ERG: variants seen among roughly 807,000 people sequenced by gnomAD.
ERG encodes the protein transcriptional regulator ERG.
Under a neutral mutation model 55.3 loss-of-function variants are expected in ERG, and 9 were observed. The ratio of observed to expected loss-of-function variants is 0.16; its 90% confidence interval spans 0.10 to 0.28. The LOEUF is 0.28. ERG is among the 10% of genes least tolerant of loss of function. The pLI, the probability that ERG is intolerant of heterozygous loss-of-function variation, is 1.00. For synonymous variants in ERG, 223 were observed against 237.3 expected (o/e 0.94, Z 0.55); for missense variants, 434 against 631.6 (o/e 0.69, Z 3.35).
downstream of ERG, among the ~76,000 whole-genome samples, chr21:38,379,305 A>G (rs1987325068): frequency 6.6e-6 from 1 of 151,590 alleles, no homozygotes; most frequent in Non-Finnish European, 1.5e-5. Context: ...TAATCCTGCG[A>G]CCTCCCTTCT....
chr21:38,378,500 G>A (rs1214958978), downstream of ERG, among the ~76,000 whole-genome samples: 2 of 152,170 alleles, frequency 1.3e-5, no homozygotes, highest in Admixed American at 6.5e-5. Flanking sequence ...AGCTGCAAAC[G>A]TTTTCCAACA....
At chr21:38,553,889 AGAC>A (rs1183197272) in intron 2 of ERG, among the ~76,000 whole-genome samples, 4 of 43,390 alleles carry the variant, frequency 9.2e-5, no homozygotes, top group Non-Finnish European at 2.1e-4. Flanking sequence ...TAGAGTATAC[AGAC>A]AATGTACAGA....
At chr21:38,584,452 T>C (rs960269041) in intron 1 of ERG, among the ~76,000 whole-genome samples, 3 of 152,328 alleles carry the variant, frequency 2.0e-5, no homozygotes, top group Non-Finnish European at 2.9e-5. Flanking sequence ...TGTAGTAGTA[T>C]GATAGAAAAA....
At chr21:38,439,452 G>A (rs1222728950) in intron 2 of ERG, among the ~76,000 whole-genome samples, 2 of 152,224 alleles carry the variant, frequency 1.3e-5, no homozygotes, top group Non-Finnish European at 2.9e-5. Context: ...GGCCCTTGGT[G>A]TGGATGGCAC....
At chr21:38,555,781 T>G (rs1460643331) in intron 2 of ERG, among the ~76,000 whole-genome samples, 1 of 152,244 alleles carries the variant, frequency 6.6e-6, no homozygotes, top group Non-Finnish European at 1.5e-5. Context: ...CTATTTGTAC[T>G]GTCAAATTAT....
At chr21:38,648,163 A>C (rs1238490582) in intron 1 of ERG, among the ~76,000 whole-genome samples, 1 of 152,216 alleles carries the variant, frequency 6.6e-6, no homozygotes, top group African/African-American at 2.4e-5. Flanking sequence ...AAAGACTGAA[A>C]GCAAGTATTT....
Position 38,620,837 on chromosome 21 carries a change from G to A in ERG, c.-149-35892C>T, listed in dbSNP as rs558850513. Among the ~76,000 whole-genome samples, 18 of 152,320 alleles carry A rather than the reference G, an allele frequency of 1.2e-4. No individual in the cohort carries two copies. The South Asian group carries it at 3.5e-3, about 30-fold the overall frequency. On this transcript the variant is annotated intron_variant, in intron 1 of 10. Coordinates refer to the ERG transcript ENST00000398910. The stretch of plus-strand genomic sequence containing the variant: ...GTAAATTTAGTCCTAAAACAAGACA[G>A]GTCTAAAAATCTTGGAAAGTAGAAT...
In ERG at chr21:38,382,164, G is replaced by A. The variant is rs143177109; in HGVS notation, c.*1239C>T. The A allele has an allele frequency of 5.0e-5, 52 of 1,049,116 alleles. No homozygotes were observed. The African/African-American group carries it at 5.0e-4, about 10-fold the overall frequency. 65.0% of individuals were successfully genotyped at this position (1,049,116 alleles called of 1,614,324 possible). On this transcript the variant is annotated 3_prime_UTR_variant, in exon 10 of 10. Transcript: ENST00000288319. ...CATTATATCGATTGTCTCTTTTGTC[G>A]TGTGTCTTTGGCTGGCCGAGATCAA...
chr21:38,381,355 T>C lies in ERG; in HGVS notation c.*2048A>G. 9.4e-7 allele frequency: 1 copy of C among 1,063,900 alleles called. No homozygotes were observed. Among genetic ancestry groups the C allele is most frequent in the South Asian group, 4.6e-5 (1 of 21,960 alleles). 65.9% of individuals were successfully genotyped at this position (1,063,900 alleles called of 1,614,324 possible). A position where few individuals can be genotyped will look rare whatever the true frequency, so the allele number is the denominator to read the frequency against. On this transcript the variant is annotated 3_prime_UTR_variant, in exon 10 of 10. Transcript: ENST00000288319. ...CACCTGGACCAAGGTTGGCAGCATT[T>C]GTGATTCAAAGAAAAGATGCCCAGG...
chr21:38,408,516 C>G (rs997613843), intron 3 of ERG, among the ~76,000 whole-genome samples: 5 of 152,214 alleles, frequency 3.3e-5, no homozygotes, highest in African/African-American at 1.2e-4. Flanking sequence ...GACCTAGTCT[C>G]TGCTCACACT....
At chr21:38,599,927 G>A (rs754819101) in intron 1 of ERG, among the ~76,000 whole-genome samples, 1 of 152,216 alleles carries the variant, frequency 6.6e-6, no homozygotes, top group South Asian at 2.1e-4. Flanking sequence ...GGGTGGCCCT[G>A]CCAGGTAAAC....
chr21:38,499,883 AAAG>A (rs1416664781), upstream of ERG, among the ~76,000 whole-genome samples: 1 of 151,992 alleles, frequency 6.6e-6, no homozygotes, highest in East Asian at 1.9e-4. Context: ...GGAGGGAAAG[AAAG>A]AAGGAAAAGA....
intron 1 of ERG, among the ~76,000 whole-genome samples, chr21:38,621,805 G>A (rs553809757): frequency 2.0e-5 from 3 of 152,268 alleles, no homozygotes; most frequent in East Asian, 3.9e-4. Context: ...AAAATGCTCC[G>A]AGTTTACCAC....
intron 2 of ERG, among the ~76,000 whole-genome samples, chr21:38,557,532 T>C (rs894859276): frequency 2.0e-5 from 3 of 152,076 alleles, no homozygotes; most frequent in Non-Finnish European, 4.4e-5. Context: ...TCTCTGAGGA[T>C]CAATGATCAA....
chr21:38,402,496 A>G, intron 5 of ERG, 61 bp downstream of exon 5: 1 of 1,291,882 alleles, frequency 7.7e-7, no homozygotes, highest in Non-Finnish European at 1.1e-6. Flanking sequence ...CCATGAAAGC[A>G]TGCAACCTGT....
At chr21:38,655,842 G>A (rs896838354) in intron 1 of ERG, among the ~76,000 whole-genome samples, 3 of 152,190 alleles carry the variant, frequency 2.0e-5, no homozygotes, top group Non-Finnish European at 2.9e-5. Flanking sequence ...CAGAAGCACA[G>A]CTCTAAGTAA....
intron 1 of ERG, among the ~76,000 whole-genome samples, chr21:38,657,733 T>A (rs1468722315): frequency 1.3e-5 from 2 of 152,292 alleles, no homozygotes; most frequent in Non-Finnish European, 2.9e-5. Context: ...CAATCAATCA[T>A]TGTGAGAGGT....
At chr21:38,538,398 A>T (rs949132838) in intron 2 of ERG, among the ~76,000 whole-genome samples, 1 of 152,050 alleles carries the variant, frequency 6.6e-6, no homozygotes, top group Non-Finnish European at 1.5e-5. Context: ...AAAAAAGAAG[A>T]TTCCTGGGTC....
chr21:38,588,960 G>T (rs2060083692), upstream of ERG, among the ~76,000 whole-genome samples: 1 of 152,056 alleles, frequency 6.6e-6, no homozygotes, highest in African/African-American at 2.4e-5. Flanking sequence ...CGAACTCCTG[G>T]CCTCAAGCAA....
Sources: allele counts gnomAD v4.1 joint callset (sites outside exome capture counted in the v4.1 genomes callset), GRCh38; gene constraint gnomAD v4.1.1; transcripts MANE v1.5; gene names NCBI Gene and HGNC (gene_info 2026-07-23, HGNC 2026-07-21).